PCNX2: variants seen among roughly 807,000 people sequenced by gnomAD.
PCNX2 encodes the protein pecanex 2.
Under a neutral mutation model 223.8 loss-of-function variants are expected in PCNX2, and 168 were observed. The observed-to-expected ratio is 0.75, with a 90% CI of 0.66 to 0.85. The LOEUF (loss-of-function observed/expected upper bound fraction) is 0.85. Ranked by LOEUF, PCNX2 falls within the 40% of genes least tolerant of loss-of-function variation. The pLI, the probability that PCNX2 is intolerant of heterozygous loss-of-function variation, is 0.00. For synonymous variants in PCNX2, 1,006 were observed against 1,052.6 expected (o/e 0.96, Z 0.86); for missense variants, 2,507 against 2,675.5 (o/e 0.94, Z 1.39).
rs1344280557 is a variant in PCNX2, at chr1:232,990,392, A to C, written c.5792-3852T>G. On this transcript the variant is annotated intron_variant, in intron 32 of 33. Transcript: ENST00000258229. This position sits in a 1 kb window ranked among gnomAD's most constrained non-coding sequence, Gnocchi z 4.3. ...AGAGAGCCTTCTGGATAGTTGAATC[A>C]CATCTTGGAGGGATTCTGGCCGGGG... is the stretch of plus-strand genomic sequence containing the variant. 6.6e-6 allele frequency among the ~76,000 whole-genome samples: 1 copy of C among 152,114 alleles called. No individual in the cohort carries two copies. Among genetic ancestry groups the C allele is most frequent in the African/African-American group, 2.4e-5 (1 of 41,408 alleles).
intron 13 of PCNX2, among the ~76,000 whole-genome samples, chr1:233,204,437 A>G (rs974412300): frequency 1.3e-5 from 2 of 152,132 alleles, no homozygotes; most frequent in African/African-American, 4.8e-5. Context: ...AGAGCTGTAC[A>G]CTTCTTTTTC....
At chr1:233,222,818 T>G (rs1480815661) in intron 10 of PCNX2, among the ~76,000 whole-genome samples, 1 of 152,036 alleles carries the variant, frequency 6.6e-6, no homozygotes, top group Non-Finnish European at 1.5e-5. Context: ...AGACCACAAG[T>G]GGAGCAGGCT....
At position 233,145,175 on chromosome 1, in the gene PCNX2, C is replaced by T. The variant is rs76297227; in HGVS notation, c.3518-5320G>A. Among the ~76,000 whole-genome samples the T allele has an allele frequency of 4.1e-3, 629 of 152,104 alleles. 2 individuals carry two copies. The highest frequency in any genetic ancestry group is 0.014 in the African/African-American group (590 of 41,470). ...TAGAGACGGTGTTTCACCGTGTTAG[C>T]CATGATAGTCTCAACCTCCTGACCT... On this transcript the variant is annotated intron_variant, in intron 19 of 33. Coordinates refer to ENST00000258229, the MANE Select transcript of PCNX2 (RefSeq NM_014801.4).
Position 233,147,243 on chromosome 1 carries a change from G to A in PCNX2, c.3518-7388C>T, listed in dbSNP as rs146499714. On this transcript the variant is annotated intron_variant, in intron 19 of 33. Coordinates refer to ENST00000258229, the MANE Select transcript of PCNX2 (RefSeq NM_014801.4). ...AAAACTTAACTACCATTAGTCTAAT[G>A]TTGATCAGAAGCCTCACTGGTAACA... 2.0e-4 allele frequency among the ~76,000 whole-genome samples: 30 copies of A among 152,264 alleles called. No individual in the cohort carries two copies. In the East Asian group the frequency reaches 4.2e-3, roughly 22 times the overall value.
chr1:233,236,970 C>A lies in PCNX2; in HGVS notation c.2233G>T (p.Val745Phe). The A allele has an allele frequency of 6.2e-7, 1 of 1,613,908 alleles. No homozygotes were observed. The highest frequency in any genetic ancestry group is 1.7e-5 in the Admixed American group (1 of 60,020). ...DCLSQAREMQ[V>F]SSSSTTTSES... is the part of the protein sequence containing the mutation. ...GAAGTTGTGGTACTGGAGGAGCTGA[C>A]CTGCATCTCTCTGAGGATGGGCAAA... Residue 745 changes from valine to phenylalanine, a missense_variant, in exon 9 of 34, where the codon GTC becomes TTC. Physicochemically the swap from Val to Phe is conservative, Grantham distance 50 (BLOSUM62 -1). This residue lies in a region of PCNX2 where 1,031 missense variants were observed against 1,021.7 expected (regional missense o/e 1.01). Transcript: ENST00000258229.
At chr1:233,034,803 A>G (rs139564690) in intron 25 of PCNX2, among the ~76,000 whole-genome samples, 1 of 152,342 alleles carries the variant, frequency 6.6e-6, no homozygotes, top group East Asian at 1.9e-4. Context: ...CCTGGGCCAG[A>G]GGACAGGATC....
chr1:233,201,250 A>T (rs1433572084), intron 13 of PCNX2, among the ~76,000 whole-genome samples: 1 of 151,890 alleles, frequency 6.6e-6, no homozygotes, highest in Non-Finnish European at 1.5e-5. Context: ...TTGGTGTTGG[A>T]GCCATGTTTT....
At chr1:233,130,219 G>C (rs1421348508) in intron 21 of PCNX2, among the ~76,000 whole-genome samples, 3 of 152,026 alleles carry the variant, frequency 2.0e-5, no homozygotes. Flanking sequence ...TTTAAGAACT[G>C]TAACACTCAC....
intron 3 of PCNX2, 128 bp downstream of exon 3, chr1:233,261,917 T>C: frequency 7.1e-7 from 1 of 1,400,468 alleles, no homozygotes; most frequent in East Asian, 2.4e-5. Flanking sequence ...GGATGTGATA[T>C]TCCACTGTAC....
At chr1:233,077,675 TA>T (rs1224012187) in intron 23 of PCNX2, among the ~76,000 whole-genome samples, 9 of 152,268 alleles carry the variant, frequency 5.9e-5, no homozygotes, top group South Asian at 2.1e-4. Context: ...CTAAAGCCAA[TA>T]ATAATCAATT....
In PCNX2 at chr1:233,018,670, C is replaced by T. The variant is rs1010557648; in HGVS notation, c.4606-1516G>A. The T allele has an allele frequency of 1.7e-5, 12 of 727,186 alleles. No individual in the cohort carries two copies. In the African/African-American group the frequency reaches 2.3e-4, roughly 14 times the overall value. The allele number at this position is 727,186 out of a possible 1,614,324, so 45.0% of individuals were successfully genotyped here. ...GGGTGTGCTGCTGTGGAGTCCCTGCCAGCGTGCACCGCAGTTCCATTATAA... is the reference window on the plus strand; with the variant it reads ...GGGTGTGCTGCTGTGGAGTCCCTGCTAGCGTGCACCGCAGTTCCATTATAA... On this transcript the variant is annotated intron_variant, in intron 26 of 33. Transcript: ENST00000258229.
At chr1:233,141,480 A>G (rs780133870) in intron 19 of PCNX2, among the ~76,000 whole-genome samples, 2 of 152,206 alleles carry the variant, frequency 1.3e-5, no homozygotes, top group African/African-American at 4.8e-5. Context: ...CAGCCTGGCC[A>G]ACATGGCGAA....
chr1:233,130,818 C>T (rs1676461113), intron 21 of PCNX2, among the ~76,000 whole-genome samples: 1 of 150,730 alleles, frequency 6.6e-6, no homozygotes, highest in African/African-American at 2.4e-5. Flanking sequence ...ATCTGGCAGA[C>T]TTAAGAGAGT....
At position 233,236,877 on chromosome 1, in the gene PCNX2, C is replaced by T. The variant is rs1406030966; in HGVS notation, c.2326G>A (p.Val776Met). 1 of 1,613,846 alleles carries T rather than the reference C, an allele frequency of 6.2e-7. No individual in the cohort carries two copies. Among genetic ancestry groups the T allele is most frequent in the Non-Finnish European group, 8.5e-7 (1 of 1,179,868 alleles). Residue 776 changes from valine to methionine, a missense_variant, in exon 9 of 34, where the codon GTG becomes ATG. This residue lies in a region of PCNX2 where 1,031 missense variants were observed against 1,021.7 expected (regional missense o/e 1.01). Coordinates refer to ENST00000258229, the MANE Select transcript of PCNX2 (RefSeq NM_014801.4). Reference sequence around the variant, plus strand: ...GTTTCCGACTGGGTCCTGCGAGCCACCATCAGTAACAGCTGTTGCTGAAGG... The same window carrying T: ...GTTTCCGACTGGGTCCTGCGAGCCATCATCAGTAACAGCTGTTGCTGAAGG... ...SALQQQLLLM[V>M]ARRTQSETPR...
intron 21 of PCNX2, among the ~76,000 whole-genome samples, chr1:233,101,701 G>T (rs72763923): frequency 0.13 from 20,091 of 152,248 alleles, 1,443 homozygotes; most frequent in East Asian, 0.21. Flanking sequence ...AAGCAAAGAG[G>T]TAATTTGAAA....
intron 23 of PCNX2, among the ~76,000 whole-genome samples, chr1:233,070,202 G>A (rs767883762): frequency 7.2e-5 from 11 of 152,032 alleles, no homozygotes; most frequent in Middle Eastern, 3.4e-3. Context: ...AACTATTAAC[G>A]CCATTTAATT....
chr1:233,208,371 A>T, intron 13 of PCNX2, 147 bp downstream of exon 13: 1 of 844,214 alleles, frequency 1.2e-6, no homozygotes. Flanking sequence ...GGGCTCCCAG[A>T]CAGTCTTCGG....
At chr1:233,148,836 T>C (rs1677625964) in intron 19 of PCNX2, among the ~76,000 whole-genome samples, 1 of 152,258 alleles carries the variant, frequency 6.6e-6, no homozygotes, top group African/African-American at 2.4e-5. Flanking sequence ...ATGTTTATAG[T>C]TGGAAGTAGA....
chr1:233,259,173 T>C lies in PCNX2; in HGVS notation c.689A>G (p.Glu230Gly). The part of the protein sequence containing the change: ...TETLINGKGK[E>G]RGGKGQPPLR... ...AGGAGGCTGCCCCTTGCCTCCTCTT[T>C]CCTTTCCTTTACCATTGATGAGAGT... is the stretch of plus-strand genomic sequence containing the variant. Residue 230 changes from glutamate to glycine, a missense_variant, in exon 5 of 34, where the codon GAA becomes GGA. By Grantham distance (98) the Glu-to-Gly change is moderately conservative. Around this residue, in one of 3 missense-constraint regions of PCNX2, gnomAD observed 1,031 missense variants for 1,021.7 expected, o/e 1.01. Transcript: ENST00000258229. 2 of 1,614,010 alleles carry C rather than the reference T, an allele frequency of 1.2e-6. No individual in the cohort carries two copies. The highest frequency in any genetic ancestry group is 1.7e-6 in the Non-Finnish European group (2 of 1,179,874).
Sources: gnomAD v4.1 joint callset for allele counts (sites outside exome capture counted in the v4.1 genomes callset) on GRCh38, gnomAD v4.1.1 for gene constraint, gnomAD v4.1.1 regional missense constraint, Gnocchi (gnomAD v3.1) non-coding constraint, MANE v1.5 for transcripts, NCBI Gene and HGNC (gene_info 2026-07-23, HGNC 2026-07-21) for gene names.